Variants in ERCC8 observed in about 807,000 individuals in gnomAD.
The protein encoded by ERCC8 is ERCC excision repair 8, CSA ubiquitin ligase complex subunit.
ERCC8 carries 52 observed loss-of-function variants against 54.9 expected under a neutral mutation model. The ratio of observed to expected loss-of-function variants is 0.95; its 90% CI spans 0.76 to 1.19. The LOEUF (loss-of-function observed/expected upper bound fraction) is 1.19, where lower values mean the gene tolerates loss of function less well. ERCC8 is among the 50% of genes most tolerant of loss of function. The pLI is 0.00. For missense variants in ERCC8, 514 were observed against 466.1 expected (o/e 1.10, Z -0.95); for synonymous variants, 146 against 157.2 (o/e 0.93, Z 0.53).
chr5:60,881,210 G>A (rs767903180), intron 11 of ERCC8, among the ~76,000 whole-genome samples: 4 of 152,114 alleles, frequency 2.6e-5, no homozygotes, highest in Non-Finnish European at 5.9e-5. Flanking sequence ...CTAGCTGATC[G>A]TTCCTCTGGG....
chr5:60,923,448 T>C (rs894882589), intron 2 of ERCC8, among the ~76,000 whole-genome samples: 3 of 152,124 alleles, frequency 2.0e-5, no homozygotes, highest in Non-Finnish European at 4.4e-5. Flanking sequence ...CTAAAAATCA[T>C]CTTTAAATCT....
At chr5:60,922,593 A>C (rs1419869728) in intron 2 of ERCC8, among the ~76,000 whole-genome samples, 1 of 152,034 alleles carries the variant, frequency 6.6e-6, no homozygotes, top group Non-Finnish European at 1.5e-5. Flanking sequence ...TTTGTAAAGG[A>C]GGGGGACATT....
chr5:60,920,571 T>C (rs2112520757), intron 3 of ERCC8, among the ~76,000 whole-genome samples: 1 of 152,096 alleles, frequency 6.6e-6, no homozygotes, highest in South Asian at 2.1e-4. Context: ...CACATTAACT[T>C]AATAATAGTC....
chr5:60,941,204 T>C (rs1016950421), intron 1 of ERCC8, among the ~76,000 whole-genome samples: 2 of 152,128 alleles, frequency 1.3e-5, no homozygotes, highest in Non-Finnish European at 2.9e-5. Context: ...GAAACAGATG[T>C]TAAAACAGAA....
chr5:60,882,461 C>A (rs1328609032), intron 11 of ERCC8, among the ~76,000 whole-genome samples: 1 of 152,182 alleles, frequency 6.6e-6, no homozygotes, highest in Non-Finnish European at 1.5e-5. Flanking sequence ...GTGGCATGAT[C>A]TTGGCTCTCT....
intron 4 of ERCC8, chr5:60,915,093 A>G (rs1279713131): frequency 6.6e-6 from 1 of 152,202 alleles, no homozygotes; most frequent in Admixed American, 6.5e-5. Context: ...TGCTGGCCCC[A>G]TAAAAAAAGT....
intron 9 of ERCC8, among the ~76,000 whole-genome samples, chr5:60,891,511 G>T (rs1328564359): frequency 6.6e-6 from 1 of 151,576 alleles, no homozygotes; most frequent in Non-Finnish European, 1.5e-5. Context: ...TTTTTGGGGG[G>T]TGTATATTAT....
At position 60,898,386 on chromosome 5, in the gene ERCC8, T is replaced by C; in HGVS notation, c.733A>G (p.Asn245Asp). The C allele has an allele frequency of 6.2e-7, 1 of 1,613,568 alleles. No individual in the cohort carries two copies. ...QAVESANTAH[N>D]GKVNGLCFTS... ...AAACATAAGCCATTAACTTTCCCAT[T>C]ATGAGCAGTGTTTGCTGCAATGAAA... Residue 245 changes from asparagine (N) to aspartate (D), a missense_variant, in exon 9 of 12, where the codon AAT (asparagine) becomes GAT (aspartate). Coordinates refer to ENST00000676185, the MANE Select transcript of ERCC8 (RefSeq NM_000082.4).
In ERCC8 at chr5:60,880,944, C is replaced by T. The variant is rs150950141; in HGVS notation, c.1123-6261G>A. On this transcript the variant is annotated intron_variant, in intron 11 of 11. Transcript: ENST00000676185. ...CTTTGGAGGAGGAGAGGTGCTCTGA[C>T]TTTTAGAGTTTCCAGTTTTTCTGCT... Among the ~76,000 whole-genome samples the T allele has an allele frequency of 2.6e-5, 4 of 152,098 alleles. No homozygotes were observed. In the South Asian group the frequency reaches 6.2e-4, roughly 24 times the overall value.
Position 60,875,886 on chromosome 5 carries a change from A to C in ERCC8, c.1123-1203T>G, listed in dbSNP as rs576880853. Reference sequence around the variant, plus strand: ...TAATTTTTTATATTTTAATTTATTTATTTTTTCTTTTTTTTATTATACTGT... The same window carrying C: ...TAATTTTTTATATTTTAATTTATTTCTTTTTTCTTTTTTTTATTATACTGT... On this transcript the variant is annotated intron_variant, in intron 11 of 11. Transcript: ENST00000676185. Among the ~76,000 whole-genome samples, 115 of 115,952 alleles carry C rather than the reference A, an allele frequency of 9.9e-4. 1 individual carries two copies. The highest frequency in any genetic ancestry group is 4.9e-3 in the Admixed American group (64 of 13,154). 76.1% of individuals were successfully genotyped at this position (115,952 alleles called of 152,430 possible).
rs1398039480 is a variant in ERCC8 at position 60,898,336 on chromosome 5, G to A, written c.783C>T (p.Leu261=). Reference sequence around the variant, plus strand: ...TCATTCGATTATCTGTACCAACAGTGAGGAGGTGAAGTCCATCACTTGTAA... The same window carrying A: ...TCATTCGATTATCTGTACCAACAGTAAGGAGGTGAAGTCCATCACTTGTAA... The part of the protein sequence containing the change: ...LCFTSDGLHL[L]TVGTDNRMRL... Residue 261 remains leucine, a synonymous_variant, in exon 9 of 12, where the codon CTC becomes CTT. Coordinates refer to ENST00000676185, the MANE Select transcript of ERCC8 (RefSeq NM_000082.4). 6.2e-7 allele frequency: 1 copy of A among 1,613,514 alleles called. No individual in the cohort carries two copies. Among genetic ancestry groups the A allele is most frequent in the Non-Finnish European group, 8.5e-7 (1 of 1,179,582 alleles).
rs190300008 is a variant in ERCC8, at chr5:60,917,001, G to C, written c.399+1264C>G. Among the ~76,000 whole-genome samples, 9 of 152,118 alleles carry C rather than the reference G, an allele frequency of 5.9e-5. No homozygotes were observed. The East Asian group carries it at 1.7e-3, about 29-fold the overall frequency. ...GAGAATGTATTGAAATAGGAATACA[G>C]AAAATAGTGCTATAAAGTAAAATAA... is the stretch of plus-strand genomic sequence containing the variant. On this transcript the variant is annotated intron_variant, in intron 4 of 11. Transcript: ENST00000676185.
intron 11 of ERCC8, among the ~76,000 whole-genome samples, chr5:60,877,020 C>T (rs892304034): frequency 6.6e-6 from 1 of 152,164 alleles, no homozygotes; most frequent in Non-Finnish European, 1.5e-5. Context: ...TTAGGTCTAA[C>T]ATTTAAGTCT....
In ERCC8 at chr5:60,929,549, TGC is replaced by T. The variant is rs1749848599; in HGVS notation, c.78-592_78-591del. On this transcript the variant is annotated intron_variant, in intron 1 of 11. Coordinates refer to ENST00000676185, the MANE Select transcript of ERCC8 (RefSeq NM_000082.4). ...ATGCAGTGAGCCATAATCACTTCAT[TGC>T]ACTCCAGCCTGGGTGACAGAGTGAG... Among the ~76,000 whole-genome samples, 4 of 152,164 alleles carry T rather than the reference TGC, an allele frequency of 2.6e-5. No individual in the cohort carries two copies. In the South Asian group the frequency reaches 8.3e-4, roughly 31 times the overall value.
At chr5:60,938,090 A>ATATATT (rs1561519206) in intron 1 of ERCC8, among the ~76,000 whole-genome samples, 1 of 21,850 alleles carries the variant, frequency 4.6e-5, no homozygotes, top group Non-Finnish European at 1.0e-4. Context: ...TATATATTTT[A>ATATATT]TTTTTTTTTT....
At chr5:60,878,422 A>T (rs1748086529) in intron 11 of ERCC8, among the ~76,000 whole-genome samples, 1 of 152,074 alleles carries the variant, frequency 6.6e-6, no homozygotes, top group Non-Finnish European at 1.5e-5. Context: ...TTTTCTATTG[A>T]TTGGAATAGT....
At chr5:60,933,211 T>C (rs1749962119) in intron 1 of ERCC8, among the ~76,000 whole-genome samples, 1 of 122,460 alleles carries the variant, frequency 8.2e-6, no homozygotes, top group South Asian at 2.6e-4. Flanking sequence ...TTTTTCCTTT[T>C]TTTTCTTTTT....
intron 1 of ERCC8, among the ~76,000 whole-genome samples, chr5:60,938,349 AATTTTTT>A (rs1750152677): frequency 9.2e-6 from 1 of 108,768 alleles, no homozygotes; most frequent in Non-Finnish European, 1.7e-5. Context: ...TACCTTTTTG[AATTTTTT>A]TTTTTTTTTT....
At chr5:60,905,793 G>A (rs1442232222) in intron 4 of ERCC8, among the ~76,000 whole-genome samples, 1 of 152,166 alleles carries the variant, frequency 6.6e-6, no homozygotes, top group Admixed American at 6.5e-5. Flanking sequence ...GTGCGAGATG[G>A]GATTTATTAA....
Sources: allele counts gnomAD v4.1 joint callset (sites outside exome capture counted in the v4.1 genomes callset), GRCh38; gene constraint gnomAD v4.1.1; transcripts MANE v1.5; gene names NCBI Gene and HGNC (gene_info 2026-07-23, HGNC 2026-07-21).